FAM120B: variants seen among roughly 807,000 people sequenced by gnomAD.
FAM120B encodes the protein constitutive coactivator of peroxisome proliferator-activated receptor gamma.
Under a neutral mutation model 96.3 loss-of-function variants are expected in FAM120B, and 83 were observed. The observed-to-expected ratio is 0.86, with a 90% CI of 0.72 to 1.03. FAM120B has a LOEUF of 1.03. FAM120B is among the 50% of genes least tolerant of loss of function. FAM120B has a pLI of 0.00. For synonymous variants in FAM120B, 407 were observed against 402.7 expected (o/e 1.01, Z -0.13); for missense variants, 1,027 against 1,121.2 (o/e 0.92, Z 1.20).
At chr6:170,356,359 G>C (rs1787952773) in intron 5 of FAM120B, among the ~76,000 whole-genome samples, 1 of 152,122 alleles carries the variant, frequency 6.6e-6, no homozygotes, top group Non-Finnish European at 1.5e-5. Flanking sequence ...AGATGAAGAA[G>C]GTGCTGTATT....
chr6:170,384,572 C>T (rs550107150), intron 6 of FAM120B, among the ~76,000 whole-genome samples: 17 of 152,244 alleles, frequency 1.1e-4, no homozygotes, highest in African/African-American at 3.4e-4. Flanking sequence ...GAAAGGTCAG[C>T]GCCCCAGGAT....
chr6:170,361,230 A>G (rs1168779953), intron 6 of FAM120B, among the ~76,000 whole-genome samples: 3 of 126,742 alleles, frequency 2.4e-5, no homozygotes, highest in African/African-American at 2.9e-5. Flanking sequence ...ATATATATAT[A>G]TATATACACG....
chr6:170,303,004 G>C (rs1266049422), upstream of FAM120B, among the ~76,000 whole-genome samples: 1 of 152,132 alleles, frequency 6.6e-6, no homozygotes. Flanking sequence ...TAGACAGATT[G>C]GAATTTGAGT....
chr6:170,390,936 C>A lies in FAM120B; in HGVS notation c.2491-77C>A, dbSNP rs2115318933. ...ACAGTGTGGAAGGGTGTCCCCTAAG[C>A]TTCCTTCCAGCCACATCTGGCCCTA... is the stretch of plus-strand genomic sequence containing the variant. On this transcript the variant is annotated intron_variant, in intron 7 of 10. Transcript: ENST00000476287. The A allele has an allele frequency of 1.2e-5, 14 of 1,207,628 alleles. No homozygotes were observed. In the South Asian group the frequency reaches 1.4e-4, roughly 12 times the overall value. The allele number at this position is 1,207,628 out of a possible 1,614,324, so 74.8% of individuals were successfully genotyped here.
intron 9 of FAM120B, among the ~76,000 whole-genome samples, chr6:170,397,039 A>C (rs1021895249): frequency 9.2e-5 from 14 of 152,322 alleles, no homozygotes; most frequent in African/African-American, 3.4e-4. Flanking sequence ...TGCAGCCCTG[A>C]GGTCGTGTGT....
At chr6:170,302,842 C>G (rs1295033008), upstream of FAM120B, among the ~76,000 whole-genome samples, 1 of 152,196 alleles carries the variant, frequency 6.6e-6, no homozygotes, top group Non-Finnish European at 1.5e-5. Context: ...GTGGATAATC[C>G]TACGTAACTC....
chr6:170,387,245 G>A (rs1195434980), intron 6 of FAM120B, among the ~76,000 whole-genome samples: 2 of 152,144 alleles, frequency 1.3e-5, no homozygotes, highest in African/African-American at 4.8e-5. Flanking sequence ...ATTAACTCTC[G>A]GATAATCTCA....
At chr6:170,303,230 TCTA>T (rs1268400283), upstream of FAM120B, among the ~76,000 whole-genome samples, 6 of 152,178 alleles carry the variant, frequency 3.9e-5, no homozygotes, top group Non-Finnish European at 1.5e-5. Flanking sequence ...GAGAATTTAC[TCTA>T]CTTTCTTTTC....
At chr6:170,366,365 G>T (rs1452844390) in intron 6 of FAM120B, among the ~76,000 whole-genome samples, 1 of 152,204 alleles carries the variant, frequency 6.6e-6, no homozygotes, top group African/African-American at 2.4e-5. Context: ...CTAGGAAAGA[G>T]TAGGAGTCTC....
At chr6:170,338,257 C>T (rs182052672) in intron 4 of FAM120B, among the ~76,000 whole-genome samples, 3 of 152,268 alleles carry the variant, frequency 2.0e-5, no homozygotes, top group Admixed American at 1.3e-4. Flanking sequence ...TTTCAAATAA[C>T]TTCTTCATTT....
At chr6:170,314,768 G>C (rs1784792759) in intron 1 of FAM120B, among the ~76,000 whole-genome samples, 1 of 152,192 alleles carries the variant, frequency 6.6e-6, no homozygotes, top group Admixed American at 6.5e-5. Context: ...TTGATGAATA[G>C]ATGTTGTGAG....
intron 4 of FAM120B, among the ~76,000 whole-genome samples, chr6:170,335,696 C>T (rs985741180): frequency 1.3e-5 from 2 of 152,206 alleles, no homozygotes; most frequent in African/African-American, 2.4e-5. Flanking sequence ...TCCTATTTCA[C>T]CACATCCTCG....
At chr6:170,348,456 C>T (rs1322966717) in intron 5 of FAM120B, 133 bp downstream of exon 5, 2 of 714,988 alleles carry the variant, frequency 2.8e-6, no homozygotes, top group African/African-American at 3.6e-5. Flanking sequence ...ATTATTAGTC[C>T]TTTGAAGTGC....
At chr6:170,343,241 C>T (rs1029052765) in intron 4 of FAM120B, among the ~76,000 whole-genome samples, 9 of 152,100 alleles carry the variant, frequency 5.9e-5, no homozygotes, top group South Asian at 2.1e-4. Flanking sequence ...AACATTTTAC[C>T]GCATTTATGA....
intron 6 of FAM120B, among the ~76,000 whole-genome samples, chr6:170,385,298 A>G (rs2115301814): frequency 6.6e-6 from 1 of 152,388 alleles, no homozygotes; most frequent in South Asian, 2.1e-4. Flanking sequence ...AATATTGTCC[A>G]TAAAAAATGT....
chr6:170,307,025 C>G (rs984343312), intron 1 of FAM120B, among the ~76,000 whole-genome samples, 183 bp downstream of exon 1: 43 of 152,200 alleles, frequency 2.8e-4, no homozygotes, highest in African/African-American at 9.4e-4. Context: ...TCCTCGCGTC[C>G]CCGCTGCCGA....
chr6:170,333,259 G>T (rs1562537672), intron 4 of FAM120B, among the ~76,000 whole-genome samples: 1 of 148,566 alleles, frequency 6.7e-6, no homozygotes, highest in Non-Finnish European at 1.5e-5. Flanking sequence ...GTGATTAGAT[G>T]GGATTCCTGC....
intron 9 of FAM120B, among the ~76,000 whole-genome samples, 176 bp downstream of exon 9, chr6:170,395,755 A>G (rs1790693652): frequency 6.6e-6 from 1 of 152,224 alleles, no homozygotes; most frequent in African/African-American, 2.4e-5. Context: ...AAGACAAATA[A>G]TTTCCATGGT....
At chr6:170,385,631 C>T (rs551263027) in intron 6 of FAM120B, among the ~76,000 whole-genome samples, 98 of 152,314 alleles carry the variant, frequency 6.4e-4, no homozygotes, top group African/African-American at 2.2e-3. Flanking sequence ...TCTTAACACA[C>T]AGTCCAGTAG....
Sources: gnomAD v4.1 joint callset for allele counts (sites outside exome capture counted in the v4.1 genomes callset) on GRCh38, gnomAD v4.1.1 for gene constraint, MANE v1.5 for transcripts, NCBI Gene and HGNC (gene_info 2026-07-23, HGNC 2026-07-21) for gene names.